The following FAM111B variants were observed in gnomAD, a reference collection of about 807,000 sequenced individuals.
FAM111B encodes the protein FAM111 trypsin like peptidase B, also known as serine protease FAM111B.
In FAM111B, 1 loss-of-function variant was observed where a neutral mutation model predicts 2.8. The ratio of observed to expected loss-of-function variants is 0.36; its 90% CI spans 0.13 to 1.70. The LOEUF (loss-of-function observed/expected upper bound fraction) is 1.70, where lower values mean the gene tolerates loss of function less well. Ranked by LOEUF, FAM111B falls within the 40% of genes most tolerant of loss-of-function variation. The pLI, the probability that FAM111B is intolerant of heterozygous loss-of-function variation, is 0.35. For missense variants in FAM111B, 882 were observed against 878.9 expected, an observed-to-expected ratio of 1.00 and a Z score of -0.04; for synonymous variants, 297 against 295.6, an observed-to-expected ratio of 1.00 and a Z score of -0.05.
chr11:59,117,977 G>T (rs1451761117), intron 3 of FAM111B, among the ~76,000 whole-genome samples: 1 of 152,200 alleles, frequency 6.6e-6, no homozygotes, highest in African/African-American at 2.4e-5. Context: ...AAGAGCACTG[G>T]TTGCAGAATT....
chr11:59,124,048 T>C (rs1859964868), intron 3 of FAM111B, 131 bp from the exon 4 acceptor site: 1 of 547,884 alleles, frequency 1.8e-6, no homozygotes, highest in Non-Finnish European at 3.0e-6. Context: ...TGATTGATTT[T>C]TTCTCCATTA....
rs1420840768 is a variant in FAM111B at position 59,107,260 on chromosome 11, C to G, written c.-168C>G. 3 of 152,392 alleles carry G rather than the reference C, an allele frequency of 2.0e-5. No homozygotes were observed. Among genetic ancestry groups the G allele is most frequent in the South Asian group, 4.1e-4 (2 of 4,834 alleles). 9.4% of individuals were successfully genotyped at this position (152,392 alleles called of 1,614,324 possible). On this transcript the variant is annotated 5_prime_UTR_variant, in exon 1 of 4. Coordinates refer to ENST00000343597, the MANE Select transcript of FAM111B (RefSeq NM_198947.4). ...GCAAATCCAGAGCGGCGGGCACTGA[C>G]GGGCACTTGCACCGTGTGGACAGAC...
rs763747381 is a variant in FAM111B at position 59,119,173 on chromosome 11, G to A, written c.82-5006G>A. Among the ~76,000 whole-genome samples, 10 of 152,230 alleles carry A rather than the reference G, an allele frequency of 6.6e-5. No homozygotes were observed. In the East Asian group the frequency reaches 1.7e-3, roughly 26 times the overall value. On this transcript the variant is annotated intron_variant, in intron 3 of 3. Transcript: ENST00000343597. Reference sequence around the variant, plus strand: ...AGGTGATTTCCTCACATGCATGTGCGGATCACTAGTCATCTGAAGACTTAA... The same window carrying A: ...AGGTGATTTCCTCACATGCATGTGCAGATCACTAGTCATCTGAAGACTTAA...
Position 59,126,400 on chromosome 11 carries a change from C to A in FAM111B, c.*98C>A. 4.3e-6 allele frequency: 4 copies of A among 925,280 alleles called. No homozygotes were observed. Among genetic ancestry groups the A allele is most frequent in the South Asian group, 2.0e-5 (1 of 49,162 alleles). The allele number at this position is 925,280 out of a possible 1,614,324, so 57.3% of individuals were successfully genotyped here. A position where few individuals can be genotyped will look rare whatever the true frequency, so the allele number is the denominator to read the frequency against. On this transcript the variant is annotated 3_prime_UTR_variant, in exon 4 of 4. Transcript: ENST00000343597. ...CAATTGCAACAAAAGTGAAAATTGG[C>A]AAATGAGACCTAATTAAATCTTCTG...
At position 59,125,181 on chromosome 11, in the gene FAM111B, TCA is replaced by T. The variant is rs758490967; in HGVS notation, c.1087_1088del (p.Gln363SerfsTer2). 1 of 1,613,952 alleles carries T rather than the reference TCA, an allele frequency of 6.2e-7. No individual in the cohort carries two copies. The highest frequency in any genetic ancestry group is 1.7e-5 in the Admixed American group (1 of 60,008). ...SLPRKYRQIN[S>X]QVRRRPHLGR... ...GCCCCGAAAATATAGGCAAATAAAC[TCA>T]CAAGTTAGACGGAGGCCGCATCTGG... On this transcript the variant is annotated frameshift_variant, in exon 4 of 4. Transcript: ENST00000343597. LOFTEE classifies it low-confidence loss of function (END_TRUNC).
intron 3 of FAM111B, among the ~76,000 whole-genome samples, chr11:59,120,185 T>C (rs2135401068): frequency 6.6e-6 from 1 of 152,342 alleles, no homozygotes; most frequent in South Asian, 2.1e-4. Context: ...AATGTCAAGA[T>C]ATACTAATGA....
chr11:59,112,920 A>C (rs1025570090), intron 3 of FAM111B, among the ~76,000 whole-genome samples: 5 of 152,168 alleles, frequency 3.3e-5, no homozygotes, highest in Admixed American at 6.5e-5. Context: ...TATTTGTGAT[A>C]ATTCCTGATA....
intron 3 of FAM111B, among the ~76,000 whole-genome samples, chr11:59,112,417 A>G (rs1390413535): frequency 1.3e-5 from 2 of 152,176 alleles, no homozygotes; most frequent in South Asian, 4.1e-4. Context: ...CCTTAAGAAC[A>G]TTTGAATTGT....
In FAM111B at chr11:59,124,720, G is replaced by T; in HGVS notation, c.623G>T (p.Gly208Val). The change falls in exon 4 of 4, where the codon GGA becomes GTA. Residue 208 changes from glycine to valine, a missense_variant. Gly to Val is a moderately radical substitution (Grantham distance 109). Transcript: ENST00000343597. ...AAGATCAACGAACTTCATGAAAAAG[G>T]AAGTAAACTTTGTATTTATGCCTTG... ...IVKINELHEK[G>V]SKLCIYALKG... is the part of the protein sequence containing the mutation. The T allele has an allele frequency of 3.1e-6, 5 of 1,613,672 alleles. No homozygotes were observed. The highest frequency in any genetic ancestry group is 4.2e-6 in the Non-Finnish European group (5 of 1,179,722).
intron 3 of FAM111B, among the ~76,000 whole-genome samples, chr11:59,122,136 C>G (rs1178993459): frequency 6.6e-6 from 1 of 151,634 alleles, no homozygotes; most frequent in Admixed American, 6.6e-5. Flanking sequence ...AGCGAGACTC[C>G]GTCTCAAAAA....
At position 59,125,714 on chromosome 11, in the gene FAM111B, C is replaced by A; in HGVS notation, c.1617C>A (p.Ser539=). The change falls in exon 4 of 4, where the codon TCC becomes TCA. Residue 539 remains serine, a synonymous_variant. Transcript: ENST00000343597. Reference sequence around the variant, plus strand: ...CCATTGAGCCATGGCTTAAAGTGTCCAATGAAAATCTAGATTATGCCATTT... The same window carrying A: ...CCATTGAGCCATGGCTTAAAGTGTCAAATGAAAATCTAGATTATGCCATTT... ...WFSIEPWLKV[S]NENLDYAILK... 1 of 1,613,702 alleles carries A rather than the reference C, an allele frequency of 6.2e-7. No individual in the cohort carries two copies. Among genetic ancestry groups the A allele is most frequent in the Non-Finnish European group, 8.5e-7 (1 of 1,179,778 alleles).
rs1859966570 is a variant in FAM111B, at chr11:59,124,135, T to C, written c.82-44T>C. ...ATCATTAGAAAAATATAAAACATTA[T>C]TAAAGGTGATTCTTGTTAACCTCTT... On this transcript the variant is annotated intron_variant, in intron 3 of 3. Coordinates refer to ENST00000343597, the MANE Select transcript of FAM111B (RefSeq NM_198947.4). The C allele has an allele frequency of 2.9e-6, 4 of 1,357,066 alleles. No homozygotes were observed. In the East Asian group the frequency reaches 9.3e-5, roughly 31 times the overall value. The allele number at this position is 1,357,066 out of a possible 1,614,324, so 84.1% of individuals were successfully genotyped here. A position where few individuals can be genotyped will look rare whatever the true frequency, so the allele number is the denominator to read the frequency against.
chr11:59,126,501 C>A lies in FAM111B; in HGVS notation c.*199C>A. On this transcript the variant is annotated 3_prime_UTR_variant, in exon 4 of 4. Coordinates refer to ENST00000343597, the MANE Select transcript of FAM111B (RefSeq NM_198947.4). Reference sequence around the variant, plus strand: ...AGAAAATATTTGCAAACTATGCATACAGCAAAGATCTAATATTCAGAATCC... The same window carrying A: ...AGAAAATATTTGCAAACTATGCATAAAGCAAAGATCTAATATTCAGAATCC... The A allele has an allele frequency of 2.3e-6, 1 of 443,094 alleles. No homozygotes were observed. Among genetic ancestry groups the A allele is most frequent in the Non-Finnish European group, 3.9e-6 (1 of 253,752 alleles). The allele number at this position is 443,094 out of a possible 1,614,324, so 27.4% of individuals were successfully genotyped here. A position where few individuals can be genotyped will look rare whatever the true frequency, so the allele number is the denominator to read the frequency against.
chr11:59,121,316 AAGCATTTT>A (rs1203253805), intron 3 of FAM111B, among the ~76,000 whole-genome samples: 1 of 152,218 alleles, frequency 6.6e-6, no homozygotes, highest in African/African-American at 2.4e-5. Context: ...AGACATAAAC[AAGCATTTT>A]AGAGACTGAA....
At chr11:59,111,669 A>G (rs1312465716) in intron 3 of FAM111B, among the ~76,000 whole-genome samples, 1 of 152,192 alleles carries the variant, frequency 6.6e-6, no homozygotes, top group Non-Finnish European at 1.5e-5. Context: ...TAAGAACCAC[A>G]TGTGGCTGTG....
chr11:59,127,325 AC>A lies in FAM111B; in HGVS notation c.*1026del, dbSNP rs1360501142. On this transcript the variant is annotated 3_prime_UTR_variant, in exon 4 of 4. Transcript: ENST00000343597. ...GGTGATGAAATAATCTGAACACAAAACCCTGGTGACATGCAGTTTACCTATA... is the reference window on the plus strand; with the variant it reads ...GGTGATGAAATAATCTGAACACAAAACCTGGTGACATGCAGTTTACCTATA... 6.6e-6 allele frequency: 1 copy of A among 152,148 alleles called. No homozygotes were observed. Among genetic ancestry groups the A allele is most frequent in the Non-Finnish European group, 1.5e-5 (1 of 68,014 alleles). 9.4% of individuals were successfully genotyped at this position (152,148 alleles called of 1,614,324 possible). A position where few individuals can be genotyped will look rare whatever the true frequency, so the allele number is the denominator to read the frequency against.
At chr11:59,120,716 C>A (rs1859907622) in intron 3 of FAM111B, among the ~76,000 whole-genome samples, 1 of 152,188 alleles carries the variant, frequency 6.6e-6, no homozygotes, top group African/African-American at 2.4e-5. Flanking sequence ...TCCACCTTTT[C>A]TAAGGATATC....
Position 59,126,313 on chromosome 11 carries a change from C to T in FAM111B, c.*11C>T. 2 of 1,492,776 alleles carry T rather than the reference C, an allele frequency of 1.3e-6. No homozygotes were observed. The highest frequency in any genetic ancestry group is 1.8e-6 in the Non-Finnish European group (2 of 1,122,104). The allele number at this position is 1,492,776 out of a possible 1,614,324, so 92.5% of individuals were successfully genotyped here. A position where few individuals can be genotyped will look rare whatever the true frequency, so the allele number is the denominator to read the frequency against. ...CCCATGGAATGTTAGAAAAGAGATG[C>T]TGTCTTCAAGAAAATATGCCAATAA... On this transcript the variant is annotated 3_prime_UTR_variant, in exon 4 of 4. Coordinates refer to ENST00000343597, the MANE Select transcript of FAM111B (RefSeq NM_198947.4).
At position 59,126,842 on chromosome 11, in the gene FAM111B, A is replaced by G. The variant is rs1217879271; in HGVS notation, c.*540A>G. On this transcript the variant is annotated 3_prime_UTR_variant, in exon 4 of 4. Coordinates refer to ENST00000343597, the MANE Select transcript of FAM111B (RefSeq NM_198947.4). ...GTGGAAAGCAGTTGGGTGATTTCTAAAAGAACTTAAAACAGCTACCATTCA... is the reference window on the plus strand; with the variant it reads ...GTGGAAAGCAGTTGGGTGATTTCTAGAAGAACTTAAAACAGCTACCATTCA... 6.2e-6 allele frequency: 1 copy of G among 160,704 alleles called. No homozygotes were observed. Among genetic ancestry groups the G allele is most frequent in the East Asian group, 1.9e-4 (1 of 5,202 alleles). 10.0% of individuals were successfully genotyped at this position (160,704 alleles called of 1,614,324 possible).
Sources: allele counts gnomAD v4.1 joint callset (sites outside exome capture counted in the v4.1 genomes callset), GRCh38; gene constraint gnomAD v4.1.1; transcripts MANE v1.5; gene names NCBI Gene and HGNC (gene_info 2026-07-23, HGNC 2026-07-21).